Variants in FAM170B observed in about 807,000 individuals in gnomAD.
FAM170B encodes the protein family with sequence similarity 170 member B, also known as protein FAM170B.
A neutral mutation model predicts 3.9 loss-of-function variants in FAM170B; 4 were observed. That is an observed-to-expected ratio of 1.01 (90% CI 0.50 to 2.32). The LOEUF is 2.32. Ranked by LOEUF, FAM170B falls within the 30% of genes most tolerant of loss-of-function variation. FAM170B has a pLI of 0.02. For missense variants in FAM170B, 417 were observed against 368.6 expected (o/e 1.13, Z -1.07); for synonymous variants, 163 against 149.8 (o/e 1.09, Z -0.64).
Position 49,133,977 on chromosome 10 carries a change from G to A in FAM170B, c.-59C>T, listed in dbSNP as rs780340932. 43 of 1,409,194 alleles carry A rather than the reference G, an allele frequency of 3.1e-5. No individual in the cohort carries two copies. The African/African-American group carries it at 5.1e-4, about 17-fold the overall frequency. 87.3% of individuals were successfully genotyped at this position (1,409,194 alleles called of 1,614,324 possible). A position where few individuals can be genotyped will look rare whatever the true frequency, so the allele number is the denominator to read the frequency against. On this transcript the variant is annotated 5_prime_UTR_variant, in exon 1 of 2. Coordinates refer to ENST00000311787, the MANE Select transcript of FAM170B (RefSeq NM_001164484.2). Reference sequence around the variant, plus strand: ...CAGCTGTTCAGTGAGAGTTGGCTGGGGCTGTACTGAAGGCCTCCAGCTGGC... The same window carrying A: ...CAGCTGTTCAGTGAGAGTTGGCTGGAGCTGTACTGAAGGCCTCCAGCTGGC...
chr10:49,133,281 G>T (rs903204091), intron 1 of FAM170B, among the ~76,000 whole-genome samples: 2 of 152,102 alleles, frequency 1.3e-5, no homozygotes, highest in Non-Finnish European at 2.9e-5. Context: ...GGAAGTGCTT[G>T]CCAAGTTTAA....
At chr10:49,133,709 A>T in intron 1 of FAM170B, 98 bp downstream of exon 1, 1 of 901,120 alleles carries the variant, frequency 1.1e-6, no homozygotes, top group South Asian at 1.5e-5. Context: ...CCATTTGGTA[A>T]CAGTATCAGG....
At position 49,132,073 on chromosome 10, in the gene FAM170B, G is replaced by A. The variant is rs1196785528; in HGVS notation, c.392C>T (p.Pro131Leu). ...VAWETEAGFEPVTRKPRIHEA... is the reference protein window; with the variant it reads ...VAWETEAGFELVTRKPRIHEA... ...ATGGATGCGGGGCTTCCTGGTGACC[G>A]GCTCGAAGCCGGCCTCCGTCTCCCA... Residue 131 changes from proline to leucine, a missense_variant, in exon 2 of 2, where the codon CCG becomes CTG. Transcript: ENST00000311787. 2.6e-6 allele frequency: 4 copies of A among 1,551,704 alleles called. No individual in the cohort carries two copies. Among genetic ancestry groups the A allele is most frequent in the Non-Finnish European group, 2.6e-6 (3 of 1,147,006 alleles).
At chr10:49,133,267 C>A (rs1845210283) in intron 1 of FAM170B, among the ~76,000 whole-genome samples, 1 of 152,172 alleles carries the variant, frequency 6.6e-6, no homozygotes, top group Admixed American at 6.5e-5. Flanking sequence ...GTCCCTCTTG[C>A]CATGGAAGTG....
At position 49,131,807 on chromosome 10, in the gene FAM170B, G is replaced by A; in HGVS notation, c.658C>T (p.Leu220=). The change falls in exon 2 of 2, where the codon CTG becomes TTG. Residue 220 remains leucine (L), a synonymous_variant. Coordinates refer to ENST00000311787, the MANE Select transcript of FAM170B (RefSeq NM_001164484.2). ...CGGATGCCATGCTGGGCGTGCTCCAGCAGAGCGTCCAGGGAGGGCAAGACC... is the reference window on the plus strand; with the variant it reads ...CGGATGCCATGCTGGGCGTGCTCCAACAGAGCGTCCAGGGAGGGCAAGACC... ...CRVLPSLDAL[L]EHAQHGIREG... 3 of 1,549,304 alleles carry A rather than the reference G, an allele frequency of 1.9e-6. No homozygotes were observed. Among genetic ancestry groups the A allele is most frequent in the African/African-American group, 1.4e-5 (1 of 73,194 alleles).
At position 49,132,127 on chromosome 10, in the gene FAM170B, A is replaced by G; in HGVS notation, c.338T>C (p.Val113Ala). The part of the protein sequence containing the change: ...PQSVCAFYTH[V>A]QTVRGVAVAW... ...CACAGCCACACCCCGCACAGTCTGC[A>G]CGTGCGTGTAGAAGGCACACACACT... The change falls in exon 2 of 2, where the codon GTG becomes GCG. Residue 113 changes from valine to alanine, a missense_variant. By Grantham distance (64) the Val-to-Ala change is moderately conservative. Coordinates refer to ENST00000311787, the MANE Select transcript of FAM170B (RefSeq NM_001164484.2). 6.4e-7 allele frequency: 1 copy of G among 1,551,762 alleles called. No homozygotes were observed. Among genetic ancestry groups the G allele is most frequent in the Non-Finnish European group, 8.7e-7 (1 of 1,146,988 alleles).
In FAM170B at chr10:49,131,664, A is replaced by G; in HGVS notation, c.801T>C (p.Cys267=). 1 of 1,551,760 alleles carries G rather than the reference A, an allele frequency of 6.4e-7. No homozygotes were observed. The highest frequency in any genetic ancestry group is 8.7e-7 in the Non-Finnish European group (1 of 1,147,008). The change falls in exon 2 of 2, where the codon TGT becomes TGC. Residue 267 remains cysteine, a synonymous_variant. Coordinates refer to ENST00000311787, the MANE Select transcript of FAM170B (RefSeq NM_001164484.2). The stretch of plus-strand genomic sequence containing the variant: ...AGAGCACCTCACCCTGGGGCCGGGA[A>G]CATTCGCTGTTGTCTGAAGGACTCT... ...EEQSPSDNSE[C]SRPQGEVLSA...
At position 49,134,012 on chromosome 10, in the gene FAM170B, A is replaced by C; in HGVS notation, c.-94T>G. ...AAGGCCTCCAGCTGGCCCCAGCCAG[A>C]GTGGACACTGAGCTCCCCATGGTCG... On this transcript the variant is annotated 5_prime_UTR_variant, in exon 1 of 2. Coordinates refer to ENST00000311787, the MANE Select transcript of FAM170B (RefSeq NM_001164484.2). 1 of 936,662 alleles carries C rather than the reference A, an allele frequency of 1.1e-6. No individual in the cohort carries two copies. The allele number at this position is 936,662 out of a possible 1,614,324, so 58.0% of individuals were successfully genotyped here.
chr10:49,133,198 T>C (rs769791416), intron 1 of FAM170B, among the ~76,000 whole-genome samples: 69 of 152,248 alleles, frequency 4.5e-4, no homozygotes, highest in Admixed American at 8.5e-4. Context: ...CTTCAACATT[T>C]GTGACCTGTC....
rs1470875120 is a variant in FAM170B at position 49,133,966 on chromosome 10, G to A, written c.-48C>T. The A allele has an allele frequency of 2.0e-6, 3 of 1,465,850 alleles. No individual in the cohort carries two copies. In the African/African-American group the frequency reaches 4.2e-5, roughly 20 times the overall value. 90.8% of individuals were successfully genotyped at this position (1,465,850 alleles called of 1,614,324 possible). ...TGTCGGTGCTCCAGCTGTTCAGTGA[G>A]AGTTGGCTGGGGCTGTACTGAAGGC... On this transcript the variant is annotated 5_prime_UTR_variant, in exon 1 of 2. Transcript: ENST00000311787.
rs895944541 is a variant in FAM170B at position 49,133,771 on chromosome 10, A to C, written c.112+36T>G. On this transcript the variant is annotated intron_variant, in intron 1 of 1. Transcript: ENST00000311787. ...TCAGGGCTTCCTTCCCAGGGAGCACAGCTGGCTGACCTTCCAGGCCTTTCT... is the reference window on the plus strand; with the variant it reads ...TCAGGGCTTCCTTCCCAGGGAGCACCGCTGGCTGACCTTCCAGGCCTTTCT... 4 of 1,531,492 alleles carry C rather than the reference A, an allele frequency of 2.6e-6. No individual in the cohort carries two copies. The African/African-American group carries it at 4.1e-5, about 16-fold the overall frequency. The allele number at this position is 1,531,492 out of a possible 1,614,324, so 94.9% of individuals were successfully genotyped here.
Position 49,133,997 on chromosome 10 carries a change from G to T in FAM170B, c.-79C>A. 1 of 1,126,704 alleles carries T rather than the reference G, an allele frequency of 8.9e-7. No homozygotes were observed. The highest frequency in any genetic ancestry group is 1.3e-6 in the Non-Finnish European group (1 of 761,598). The allele number at this position is 1,126,704 out of a possible 1,614,324, so 69.8% of individuals were successfully genotyped here. ...GCTGGGGCTGTACTGAAGGCCTCCA[G>T]CTGGCCCCAGCCAGAGTGGACACTG... is the stretch of plus-strand genomic sequence containing the variant. On this transcript the variant is annotated 5_prime_UTR_variant, in exon 1 of 2. The change creates a new upstream start codon in the 5' untranslated region. Transcript: ENST00000311787.
In FAM170B at chr10:49,131,357, T is replaced by G; in HGVS notation, c.*256A>C. On this transcript the variant is annotated 3_prime_UTR_variant, in exon 2 of 2. Coordinates refer to ENST00000311787, the MANE Select transcript of FAM170B (RefSeq NM_001164484.2). Reference sequence around the variant, plus strand: ...TGGCCATGCGTTTGTGGGTTTCAGATGTTGTGCCTGCCATCAGAAACACTC... The same window carrying G: ...TGGCCATGCGTTTGTGGGTTTCAGAGGTTGTGCCTGCCATCAGAAACACTC... 6.7e-6 allele frequency: 3 copies of G among 447,332 alleles called. No individual in the cohort carries two copies. Among genetic ancestry groups the G allele is most frequent in the Non-Finnish European group, 7.8e-6 (2 of 256,494 alleles). 27.7% of individuals were successfully genotyped at this position (447,332 alleles called of 1,614,324 possible). A position where few individuals can be genotyped will look rare whatever the true frequency, so the allele number is the denominator to read the frequency against.
In FAM170B at chr10:49,133,799, T is replaced by A. The variant is rs1402809054; in HGVS notation, c.112+8A>T. 1 of 1,551,164 alleles carries A rather than the reference T, an allele frequency of 6.4e-7. No individual in the cohort carries two copies. Among genetic ancestry groups the A allele is most frequent in the African/African-American group, 1.4e-5 (1 of 73,034 alleles). On this transcript the variant is annotated splice_region_variant and intron_variant, in intron 1 of 1. Coordinates refer to ENST00000311787, the MANE Select transcript of FAM170B (RefSeq NM_001164484.2). ...TGGCTGACCTTCCAGGCCTTTCTTT[T>A]CACCTACCTGGCCAGAACACTTCCA...
In FAM170B at chr10:49,131,554, G is replaced by A. The variant is rs995228143; in HGVS notation, c.*59C>T. On this transcript the variant is annotated 3_prime_UTR_variant, in exon 2 of 2. Transcript: ENST00000311787. The stretch of plus-strand genomic sequence containing the variant: ...CTAGTGGCTCTGATACTGCTGGCTG[G>A]GGAAGGAGCAGTCCCAGGCCCTGGA... 2.6e-5 allele frequency: 39 copies of A among 1,481,342 alleles called. No homozygotes were observed. The highest frequency in any genetic ancestry group is 3.2e-5 in the Non-Finnish European group (36 of 1,112,710). The allele number at this position is 1,481,342 out of a possible 1,614,324, so 91.8% of individuals were successfully genotyped here.
rs1845176807 is a variant in FAM170B, at chr10:49,131,157, T to G, written c.*456A>C. On this transcript the variant is annotated 3_prime_UTR_variant, in exon 2 of 2. Coordinates refer to ENST00000311787, the MANE Select transcript of FAM170B (RefSeq NM_001164484.2). ...CTCAGTTAGTCACTGCATTCAATTT[T>G]GTGTTATTCAAGTTTAATCCCAATA... 6.4e-6 allele frequency: 1 copy of G among 156,844 alleles called. No individual in the cohort carries two copies. Among genetic ancestry groups the G allele is most frequent in the Non-Finnish European group, 1.4e-5 (1 of 71,094 alleles). The allele number at this position is 156,844 out of a possible 1,614,324, so 9.7% of individuals were successfully genotyped here. A position where few individuals can be genotyped will look rare whatever the true frequency, so the allele number is the denominator to read the frequency against.
rs1225528985 is a variant in FAM170B, at chr10:49,131,908, C to A, written c.557G>T (p.Cys186Phe). 4 of 1,548,044 alleles carry A rather than the reference C, an allele frequency of 2.6e-6. No individual in the cohort carries two copies. Among genetic ancestry groups the A allele is most frequent in the Admixed American group, 2.0e-5 (1 of 51,008 alleles). Reference sequence around the variant, plus strand: ...CGGCGGCTCCCGCAGCTCCTGCAGGCAGCACTCCAGCAGGTCTATGTCCTC... The same window carrying A: ...CGGCGGCTCCCGCAGCTCCTGCAGGAAGCACTCCAGCAGGTCTATGTCCTC... ...EPEDIDLLECCLQELREPPDW... is the reference protein window; with the variant it reads ...EPEDIDLLECFLQELREPPDW... Residue 186 changes from cysteine to phenylalanine, a missense_variant, in exon 2 of 2, where the codon TGC becomes TTC. By Grantham distance (205) the Cys-to-Phe change is radical (BLOSUM62 -2). Coordinates refer to ENST00000311787, the MANE Select transcript of FAM170B (RefSeq NM_001164484.2).
chr10:49,132,533 A>C (rs114230206), intron 1 of FAM170B, among the ~76,000 whole-genome samples, 181 bp from the exon 2 acceptor site: 1,612 of 152,298 alleles, frequency 0.011, 30 homozygotes, highest in African/African-American at 0.036. Flanking sequence ...AGGGTGTGGT[A>C]ATGATTGAAT....
In FAM170B at chr10:49,132,353, C is replaced by T. The variant is rs2132045673; in HGVS notation, c.113-1G>A. ...GACGACCCTTCTCTCTGTATAGTCC[C>T]TGAGAAGCAGAAGGACATTGTCATC... On this transcript the variant is annotated splice_acceptor_variant, in intron 1 of 1. Coordinates refer to ENST00000311787, the MANE Select transcript of FAM170B (RefSeq NM_001164484.2). LOFTEE classifies it high-confidence loss of function. The T allele has an allele frequency of 6.5e-7, 1 of 1,530,522 alleles. No homozygotes were observed. The highest frequency in any genetic ancestry group is 2.5e-5 in the East Asian group (1 of 40,658). 94.8% of individuals were successfully genotyped at this position (1,530,522 alleles called of 1,614,324 possible). A position where few individuals can be genotyped will look rare whatever the true frequency, so the allele number is the denominator to read the frequency against.
Sources: allele counts gnomAD v4.1 joint callset (sites outside exome capture counted in the v4.1 genomes callset), GRCh38; gene constraint gnomAD v4.1.1; transcripts MANE v1.5; gene names NCBI Gene and HGNC (gene_info 2026-07-23, HGNC 2026-07-21).